HOOK1: variants seen among roughly 807,000 people sequenced by gnomAD.
The protein encoded by HOOK1 is hook microtubule tethering protein 1.
Under a neutral mutation model 112.8 loss-of-function variants are expected in HOOK1, and 60 were observed. The observed-to-expected ratio is 0.53, with a 90% CI of 0.43 to 0.66. The LOEUF is 0.66. Ranked by LOEUF, HOOK1 falls within the 30% of genes least tolerant of loss-of-function variation. The pLI is 0.00. For missense variants in HOOK1, 770 were observed against 856.0 expected, an observed-to-expected ratio of 0.90 and a Z score of 1.25; for synonymous variants, 294 against 283.8, an observed-to-expected ratio of 1.04 and a Z score of -0.36.
At position 59,865,871 on chromosome 1, in the gene HOOK1, G is replaced by A. The variant is rs1465020626; in HGVS notation, c.1745-1G>A. 1 of 1,506,340 alleles carries A rather than the reference G, an allele frequency of 6.6e-7. No individual in the cohort carries two copies. The highest frequency in any genetic ancestry group is 1.4e-5 in the African/African-American group (1 of 71,298). The allele number at this position is 1,506,340 out of a possible 1,614,324, so 93.3% of individuals were successfully genotyped here. Reference sequence around the variant, plus strand: ...ATGCTTCATTTTATTTTTACTAATAGTACAAAAGATCAATGAACTTGAAGC... The same window carrying A: ...ATGCTTCATTTTATTTTTACTAATAATACAAAAGATCAATGAACTTGAAGC... On this transcript the variant is annotated splice_acceptor_variant, in intron 18 of 21. Transcript: ENST00000371208. LOFTEE classifies it high-confidence loss of function.
intron 16 of HOOK1, among the ~76,000 whole-genome samples, chr1:59,863,204 C>G (rs956653097): frequency 2.0e-5 from 3 of 152,048 alleles, no homozygotes; most frequent in Admixed American, 6.6e-5. Context: ...ACAATTGAGG[C>G]CTTCATAGTT....
chr1:59,834,391 AT>A (rs1344371460), intron 5 of HOOK1, among the ~76,000 whole-genome samples: 1 of 152,212 alleles, frequency 6.6e-6, no homozygotes, highest in Non-Finnish European at 1.5e-5. Flanking sequence ...CATGAAATTA[AT>A]TGTAGTTTAT....
rs192205583 is a variant in HOOK1 at position 59,856,948 on chromosome 1, C to T, written c.1243-1480C>T. On this transcript the variant is annotated intron_variant, in intron 12 of 21. Coordinates refer to ENST00000371208, the MANE Select transcript of HOOK1 (RefSeq NM_015888.6). ...GGCTGACCTTCGAGATCTCCGGGAACATGTCAGAGCTTTTTAAAGATTCCT... is the reference window on the plus strand; with the variant it reads ...GGCTGACCTTCGAGATCTCCGGGAATATGTCAGAGCTTTTTAAAGATTCCT... 1.4e-4 allele frequency among the ~76,000 whole-genome samples: 22 copies of T among 152,208 alleles called. 1 individual carries two copies. The East Asian group carries it at 4.2e-3, about 29-fold the overall frequency.
intron 12 of HOOK1, among the ~76,000 whole-genome samples, chr1:59,855,067 G>A (rs112115278): frequency 1.3e-5 from 2 of 152,302 alleles, no homozygotes; most frequent in African/African-American, 4.8e-5. Context: ...CTAACACAGA[G>A]AGAGCTATTC....
rs1415825465 is a variant in HOOK1 at position 59,873,507 on chromosome 1, A to G, written c.*542A>G. On this transcript the variant is annotated 3_prime_UTR_variant, in exon 22 of 22. Transcript: ENST00000371208. ...ATTGAATGTGTACCTCTACCTTGTC[A>G]TGTCATGGAAGATACAACATTTGGA... 6.6e-6 allele frequency: 1 copy of G among 151,704 alleles called. No homozygotes were observed. The highest frequency in any genetic ancestry group is 1.5e-5 in the Non-Finnish European group (1 of 67,906). 9.4% of individuals were successfully genotyped at this position (151,704 alleles called of 1,614,324 possible).
intron 8 of HOOK1, 123 bp from the exon 9 acceptor site, chr1:59,843,309 T>C: frequency 1.7e-6 from 1 of 588,042 alleles, no homozygotes; most frequent in Non-Finnish European, 2.9e-6. Flanking sequence ...TCATCTAGTA[T>C]GACAGACCAA....
intron 1 of HOOK1, among the ~76,000 whole-genome samples, chr1:59,816,738 GCAAATATGTTGTAAAC>G (rs1405923650): frequency 1.3e-5 from 2 of 152,182 alleles, no homozygotes; most frequent in Non-Finnish European, 2.9e-5. Flanking sequence ...CGTAAAAGCT[GCAAATATGTTGTAAAC>G]CAAATGATAA....
chr1:59,830,776 G>C (rs2098393304), intron 3 of HOOK1, among the ~76,000 whole-genome samples: 1 of 151,444 alleles, frequency 6.6e-6, no homozygotes, highest in African/African-American at 2.4e-5. Flanking sequence ...GAACCCATGT[G>C]TATTGACTGA....
intron 9 of HOOK1, 146 bp from the exon 10 acceptor site, chr1:59,846,899 C>A: frequency 1.9e-6 from 1 of 521,796 alleles, no homozygotes; most frequent in Non-Finnish European, 3.2e-6. Flanking sequence ...AGTCTTTTGG[C>A]ATTTATTGAT....
Position 59,845,262 on chromosome 1 carries a change from C to T in HOOK1, c.788+1664C>T, listed in dbSNP as rs192507254. On this transcript the variant is annotated intron_variant, in intron 9 of 21. Coordinates refer to ENST00000371208, the MANE Select transcript of HOOK1 (RefSeq NM_015888.6). ...CCTCATAACTTAATCACTTCCCAAA[C>T]GGCCCCACCTCTTAATACCACCACA... is the stretch of plus-strand genomic sequence containing the variant. Among the ~76,000 whole-genome samples the T allele has an allele frequency of 7.2e-5, 11 of 152,094 alleles. No homozygotes were observed. In the East Asian group the frequency reaches 7.7e-4, roughly 11 times the overall value.
intron 2 of HOOK1, among the ~76,000 whole-genome samples, chr1:59,826,152 T>G (rs911646687): frequency 1.4e-4 from 21 of 152,318 alleles, no homozygotes; most frequent in African/African-American, 4.6e-4. Flanking sequence ...GGAGTTAAAA[T>G]GTAGTAATTC....
At chr1:59,862,899 A>G in intron 16 of HOOK1, 22 bp downstream of exon 16, 2 of 1,353,006 alleles carry the variant, frequency 1.5e-6, no homozygotes, top group South Asian at 1.2e-5. Flanking sequence ...AGAAATTATA[A>G]TAATTCTGCT....
intron 14 of HOOK1, 127 bp downstream of exon 14, chr1:59,859,172 T>G (rs927904879): frequency 1.2e-5 from 4 of 341,050 alleles, no homozygotes; most frequent in African/African-American, 8.6e-5. Context: ...TTTGATCTAC[T>G]TAAACTTTCT....
At chr1:59,857,336 G>A (rs934368798) in intron 12 of HOOK1, among the ~76,000 whole-genome samples, 5 of 152,070 alleles carry the variant, frequency 3.3e-5, no homozygotes, top group African/African-American at 1.2e-4. Flanking sequence ...TTACTGCAGA[G>A]CTGGGGAGAC....
intron 3 of HOOK1, 121 bp from the exon 4 acceptor site, chr1:59,832,042 C>G: frequency 3.6e-6 from 2 of 553,858 alleles, no homozygotes; most frequent in Non-Finnish European, 6.4e-6. Context: ...TTATAGAACT[C>G]TATTATAATG....
chr1:59,818,241 A>T (rs899154135), intron 1 of HOOK1, among the ~76,000 whole-genome samples: 29 of 152,320 alleles, frequency 1.9e-4, no homozygotes, highest in Admixed American at 3.3e-4. Flanking sequence ...ATAGAAGATT[A>T]AAAAAAGTTA....
At chr1:59,816,774 G>A (rs1169685940) in intron 1 of HOOK1, among the ~76,000 whole-genome samples, 1 of 152,196 alleles carries the variant, frequency 6.6e-6, no homozygotes, top group Non-Finnish European at 1.5e-5. Context: ...AGGAATCACA[G>A]ATAACAGAGT....
At chr1:59,846,104 A>G (rs1396227826) in intron 9 of HOOK1, among the ~76,000 whole-genome samples, 1 of 151,650 alleles carries the variant, frequency 6.6e-6, no homozygotes, top group Non-Finnish European at 1.5e-5. Flanking sequence ...TTTTCAGTGT[A>G]TATGTTTATT....
intron 12 of HOOK1, 33 bp downstream of exon 12, chr1:59,849,216 C>T: frequency 7.1e-7 from 1 of 1,412,100 alleles, no homozygotes; most frequent in Non-Finnish European, 9.9e-7. Flanking sequence ...AGGAATATTT[C>T]ATTGTTCTTT....
Sources: gnomAD v4.1 joint callset for allele counts (sites outside exome capture counted in the v4.1 genomes callset) on GRCh38, gnomAD v4.1.1 for gene constraint, MANE v1.5 for transcripts, NCBI Gene and HGNC (gene_info 2026-07-23, HGNC 2026-07-21) for gene names.